Variants in SHANK2 observed in about 807,000 individuals in gnomAD.
SHANK2 encodes SH3 and multiple ankyrin repeat domains 2, also known as SH3 and multiple ankyrin repeat domains protein 2.
A neutral mutation model predicts 133.7 loss-of-function variants in SHANK2; 43 were observed. The observed-to-expected ratio is 0.32, with a 90% CI of 0.25 to 0.41. The LOEUF (loss-of-function observed/expected upper bound fraction) is 0.41. SHANK2 is among the 10% of genes least tolerant of loss of function. The pLI is 1.00. For synonymous variants in SHANK2, 1,017 were observed against 952.8 expected, an observed-to-expected ratio of 1.07 and a Z score of -1.24; for missense variants, 1,994 against 2,235.8, an observed-to-expected ratio of 0.89 and a Z score of 2.18.
chr11:70,710,428 C>T (rs1945758562), intron 14 of SHANK2, among the ~76,000 whole-genome samples: 1 of 152,202 alleles, frequency 6.6e-6, no homozygotes, highest in Admixed American at 6.5e-5. Flanking sequence ...GGGCTGCAGA[C>T]ACCCTGCTGA....
chr11:71,113,159 C>T, intron 5 of SHANK2, 134 bp downstream of exon 5: 1 of 825,868 alleles, frequency 1.2e-6, no homozygotes, highest in Non-Finnish European at 2.0e-6. Context: ...GCCTGTACAT[C>T]CCAGCCCAGC....
rs1950923416 is a variant in SHANK2 at position 71,056,555 on chromosome 11, T to C, written c.1033A>G (p.Ser345Gly). ...CGAAACAGAAGCACTCTTGCACAGC[T>C]GTCCTGCAAATAGAAAAGGAGAAAC... ...LHICALYNQD[S>G]CARVLLFRGG... The change falls in exon 10 of 26, where the codon AGC becomes GGC. Residue 345 changes from serine to glycine, a missense_variant. Coordinates refer to ENST00000601538, the MANE Select transcript of SHANK2 (RefSeq NM_012309.5). 2.6e-5 allele frequency: 4 copies of C among 152,198 alleles called. No homozygotes were observed. Among genetic ancestry groups the C allele is most frequent in the Admixed American group, 2.0e-4 (3 of 15,282 alleles). 9.4% of individuals were successfully genotyped at this position (152,198 alleles called of 1,614,324 possible).
intron 11 of SHANK2, among the ~76,000 whole-genome samples, chr11:70,858,576 C>T (rs974414513): frequency 2.0e-5 from 3 of 152,360 alleles, no homozygotes; most frequent in Admixed American, 1.3e-4. Context: ...AGTGTGAGCC[C>T]TGCTTCCTTC....
intron 1 of SHANK2, among the ~76,000 whole-genome samples, chr11:71,247,498 C>T (rs1467234740): frequency 1.3e-5 from 2 of 150,678 alleles, no homozygotes; most frequent in Admixed American, 1.3e-4. Context: ...AAAAACAACA[C>T]TTTCAGGGAC....
chr11:70,501,130 CGGGGCACTACTGGTTCTGGGTGGGT>C (rs2059044903), intron 20 of SHANK2, among the ~76,000 whole-genome samples: 1 of 152,104 alleles, frequency 6.6e-6, no homozygotes, highest in Non-Finnish European at 1.5e-5. Flanking sequence ...CTGGGGCACG[CGGGGCACTACTGGTTCTGGGTGGGT>C]GGGGCAGCGC....
intron 15 of SHANK2, among the ~76,000 whole-genome samples, chr11:70,688,072 G>A (rs147017171): frequency 5.8e-4 from 88 of 152,318 alleles, no homozygotes; most frequent in East Asian, 3.1e-3. Context: ...AGAAAAGGCC[G>A]TCATGAGGGT....
chr11:71,058,464 C>T (rs1371685264), intron 9 of SHANK2, among the ~76,000 whole-genome samples: 5 of 152,208 alleles, frequency 3.3e-5, no homozygotes, highest in African/African-American at 7.2e-5. Context: ...CTGATGTAGC[C>T]GTACCGACTA....
At chr11:70,837,199 A>T (rs2135417119) in intron 11 of SHANK2, among the ~76,000 whole-genome samples, 1 of 152,338 alleles carries the variant, frequency 6.6e-6, no homozygotes, top group Admixed American at 6.5e-5. Flanking sequence ...CACCAGGCAG[A>T]CTGAGCATGC....
In SHANK2 at chr11:70,948,293, T is replaced by C. The variant is rs868989195; in HGVS notation, c.1108-51726A>G. ...GTTGCACGTTTCTCTGCTTACTTGT[T>C]AATTATCTAATGTGCACTTCCAGAG... On this transcript the variant is annotated intron_variant, in intron 10 of 25. Coordinates refer to ENST00000601538, the MANE Select transcript of SHANK2 (RefSeq NM_012309.5). The C allele has an allele frequency of 1.7e-5, 8 of 457,304 alleles. No homozygotes were observed. The Middle Eastern group carries it at 2.3e-3, about 130-fold the overall frequency. The allele number at this position is 457,304 out of a possible 1,614,324, so 28.3% of individuals were successfully genotyped here.
Position 70,693,970 on chromosome 11 carries a change from T to C in SHANK2, c.1853+4718A>G, listed in dbSNP as rs139372224. ...AGTGATAGAAAGATAAATGGCTGAGTGAGTGGATGGCGGGAAGGATGGATG... is the reference window on the plus strand; with the variant it reads ...AGTGATAGAAAGATAAATGGCTGAGCGAGTGGATGGCGGGAAGGATGGATG... On this transcript the variant is annotated intron_variant, in intron 15 of 25. Transcript: ENST00000601538. Among the ~76,000 whole-genome samples, 298 of 151,840 alleles carry C rather than the reference T, an allele frequency of 2.0e-3. 2 individuals are homozygous for C. Among genetic ancestry groups the C allele is most frequent in the Admixed American group, 8.6e-3 (131 of 15,240 alleles).
chr11:70,699,999 G>A (rs868947653), intron 14 of SHANK2, among the ~76,000 whole-genome samples: 1 of 152,206 alleles, frequency 6.6e-6, no homozygotes, highest in Non-Finnish European at 1.5e-5. Context: ...CAACGCTCAG[G>A]CCTCTGAGAC....
chr11:70,891,134 C>T (rs1027019150), intron 11 of SHANK2, among the ~76,000 whole-genome samples: 5 of 152,146 alleles, frequency 3.3e-5, no homozygotes, highest in South Asian at 2.1e-4. Flanking sequence ...CCTTCCTCAG[C>T]GTATGCGGGC....
chr11:70,762,207 G>A (rs931698608), intron 14 of SHANK2, among the ~76,000 whole-genome samples: 2 of 151,696 alleles, frequency 1.3e-5, no homozygotes, highest in East Asian at 1.9e-4. Context: ...AAGCCAACGC[G>A]GTAGTTCTCA....
intron 17 of SHANK2, among the ~76,000 whole-genome samples, chr11:70,565,019 G>A (rs781809413): frequency 6.6e-6 from 1 of 152,138 alleles, no homozygotes; most frequent in Non-Finnish European, 1.5e-5. Context: ...CTCTAACATC[G>A]GTGTTAATCC....
At chr11:70,889,913 A>G (rs1458968752) in intron 11 of SHANK2, among the ~76,000 whole-genome samples, 1 of 152,158 alleles carries the variant, frequency 6.6e-6, no homozygotes, top group Non-Finnish European at 1.5e-5. Context: ...TGGGGCCAGG[A>G]CATGGGGGAG....
chr11:71,100,926 G>A (rs1456386740), intron 6 of SHANK2, among the ~76,000 whole-genome samples: 3 of 151,742 alleles, frequency 2.0e-5, no homozygotes, highest in Admixed American at 1.3e-4. Context: ...AGGGATGGAC[G>A]GGTGGAGCAC....
intron 8 of SHANK2, among the ~76,000 whole-genome samples, chr11:71,080,809 C>T (rs1289221826): frequency 5.3e-5 from 8 of 152,308 alleles, no homozygotes; most frequent in African/African-American, 1.7e-4. Flanking sequence ...TCCGTGGCCC[C>T]GCATACCACG....
At chr11:70,660,488 C>G (rs1218497520) in intron 16 of SHANK2, among the ~76,000 whole-genome samples, 5 of 152,212 alleles carry the variant, frequency 3.3e-5, no homozygotes, top group African/African-American at 7.2e-5. Context: ...TGTGACCACT[C>G]TGTGTGTGAC....
chr11:70,495,602 T>G (rs370978151), intron 21 of SHANK2, among the ~76,000 whole-genome samples: 31 of 152,320 alleles, frequency 2.0e-4, no homozygotes, highest in East Asian at 5.8e-4. Flanking sequence ...CCCATAGCTG[T>G]GGTGAGCCAG....
Sources: gnomAD v4.1 joint callset for allele counts (sites outside exome capture counted in the v4.1 genomes callset) on GRCh38, gnomAD v4.1.1 for gene constraint, MANE v1.5 for transcripts, NCBI Gene and HGNC (gene_info 2026-07-23, HGNC 2026-07-21) for gene names.